The following TMPRSS15 variants were observed in gnomAD, a reference collection of about 807,000 sequenced individuals.
The protein encoded by TMPRSS15 is transmembrane serine protease 15, also known as enteropeptidase.
In TMPRSS15, 128 loss-of-function variants were observed where a neutral mutation model predicts 125.3. That is an observed-to-expected ratio of 1.02 (90% CI 0.89 to 1.18). The LOEUF (loss-of-function observed/expected upper bound fraction) is 1.18, where lower values mean the gene tolerates loss of function less well. TMPRSS15 is among the 50% of genes most tolerant of loss of function. TMPRSS15 has a pLI of 0.00. For synonymous variants in TMPRSS15, 446 were observed against 423.2 expected (o/e 1.05, Z -0.66); for missense variants, 1,283 against 1,212.7 (o/e 1.06, Z -0.86).
chr21:18,416,438 A>G (rs1042873166), intron 1 of TMPRSS15, among the ~76,000 whole-genome samples: 6 of 152,202 alleles, frequency 3.9e-5, no homozygotes, highest in African/African-American at 1.4e-4. Flanking sequence ...AGCAAAATTC[A>G]TATTATCCTT....
chr21:18,297,414 T>TAG (rs2074919232), intron 19 of TMPRSS15, among the ~76,000 whole-genome samples: 1 of 152,088 alleles, frequency 6.6e-6, no homozygotes, highest in Non-Finnish European at 1.5e-5. Context: ...ACAATTTCTT[T>TAG]CCAAGTGATT....
intron 24 of TMPRSS15, among the ~76,000 whole-genome samples, chr21:18,271,097 C>A (rs1330653389): frequency 1.3e-5 from 2 of 152,118 alleles, no homozygotes; most frequent in Non-Finnish European, 1.5e-5. Flanking sequence ...TTTTCCCCTC[C>A]ATACACAGGA....
chr21:18,408,632 G>A (rs2076158405), upstream of TMPRSS15, among the ~76,000 whole-genome samples: 3 of 151,964 alleles, frequency 2.0e-5, no homozygotes, highest in South Asian at 6.2e-4. Context: ...GATCTAATTG[G>A]CAAATTCTTT....
intron 1 of TMPRSS15, among the ~76,000 whole-genome samples, chr21:18,438,467 A>C (rs1355681581): frequency 1.3e-5 from 2 of 152,186 alleles, no homozygotes; most frequent in African/African-American, 2.4e-5. Flanking sequence ...CCTAAAACTT[A>C]AAGTATAATA....
intron 18 of TMPRSS15, among the ~76,000 whole-genome samples, chr21:18,309,921 C>A (rs1201662742): frequency 4.6e-5 from 7 of 152,018 alleles, no homozygotes. Flanking sequence ...AATTTCGTTC[C>A]TGATGAGGCT....
chr21:18,451,998 G>T (rs1216738700), intron 1 of TMPRSS15, among the ~76,000 whole-genome samples: 1 of 150,676 alleles, frequency 6.6e-6, no homozygotes, highest in Non-Finnish European at 1.5e-5. Flanking sequence ...CAGTTGATGT[G>T]GTTCAATTCA....
chr21:18,418,450 C>A (rs1310915414), intron 1 of TMPRSS15, among the ~76,000 whole-genome samples: 2 of 152,136 alleles, frequency 1.3e-5, no homozygotes, highest in African/African-American at 2.4e-5. Context: ...TATCTGTGTG[C>A]GAATGGTGTT....
chr21:18,413,312 T>TTTCTTTCTTTTCTTTCC (rs1555911458), intron 1 of TMPRSS15, among the ~76,000 whole-genome samples: 1 of 94,798 alleles, frequency 1.1e-5, no homozygotes, highest in Non-Finnish European at 2.1e-5. Context: ...TTTTCTTTCT[T>TTTCTTTCTTTTCTTTCC]TTCCTTCCTT....
upstream of TMPRSS15, among the ~76,000 whole-genome samples, chr21:18,407,308 TA>T (rs1177860838): frequency 1.4e-4 from 22 of 152,090 alleles, no homozygotes; most frequent in Admixed American, 1.4e-3. Flanking sequence ...TCTGCATTTT[TA>T]AAAAAATAGA....
Position 18,294,296 on chromosome 21 carries a change from C to T in TMPRSS15, c.2460G>A (p.Leu820=), listed in dbSNP as rs760154862. 1 of 1,614,232 alleles carries T rather than the reference C, an allele frequency of 6.2e-7. No individual in the cohort carries two copies. The highest frequency in any genetic ancestry group is 8.5e-7 in the Non-Finnish European group (1 of 1,180,046). Residue 820 remains leucine, a synonymous_variant, in exon 21 of 25, where the codon CTG becomes CTA. Coordinates refer to ENST00000284885, the MANE Select transcript of TMPRSS15 (RefSeq NM_002772.3). ...CATACACGCAGTGTGCGGCGGACAC[C>T]AGCCAGTCACTGCTGACGAGAGATG... ...CGASLVSSDW[L]VSAAHCVYGR...
At chr21:18,273,081 G>A (rs2074579155) in intron 24 of TMPRSS15, among the ~76,000 whole-genome samples, 1 of 152,118 alleles carries the variant, frequency 6.6e-6, no homozygotes, top group Non-Finnish European at 1.5e-5. Flanking sequence ...CTGGACTGGA[G>A]GCCACGCATT....
At chr21:18,302,059 T>A (rs923019511) in intron 18 of TMPRSS15, among the ~76,000 whole-genome samples, 1 of 152,224 alleles carries the variant, frequency 6.6e-6, no homozygotes, top group Non-Finnish European at 1.5e-5. Flanking sequence ...AGGCTGAATT[T>A]GCTGTGATAA....
At chr21:18,467,177 C>A (rs1978681867) in intron 1 of TMPRSS15, among the ~76,000 whole-genome samples, 1 of 152,090 alleles carries the variant, frequency 6.6e-6, no homozygotes. Flanking sequence ...CCAAACACTG[C>A]ATGTTCTCAC....
upstream of TMPRSS15, among the ~76,000 whole-genome samples, chr21:18,405,567 C>T (rs766451893): frequency 5.9e-5 from 9 of 152,050 alleles, no homozygotes; most frequent in African/African-American, 9.7e-5. Context: ...ACTGTCTCAG[C>T]GGAATTAAGT....
chr21:18,412,050 T>C (rs1418486048), intron 1 of TMPRSS15, among the ~76,000 whole-genome samples: 1 of 152,138 alleles, frequency 6.6e-6, no homozygotes, highest in Non-Finnish European at 1.5e-5. Flanking sequence ...AATCAGCTGC[T>C]AGTTTAGATC....
chr21:18,363,147 C>T (rs1241297735), intron 7 of TMPRSS15, among the ~76,000 whole-genome samples: 2 of 151,994 alleles, frequency 1.3e-5, no homozygotes, highest in South Asian at 2.1e-4. Flanking sequence ...CTATTTGATA[C>T]AATGCATCAC....
intron 1 of TMPRSS15, among the ~76,000 whole-genome samples, chr21:18,419,361 G>A (rs567034430): frequency 9.2e-4 from 140 of 151,912 alleles, no homozygotes; most frequent in African/African-American, 3.3e-3. Context: ...GAGTAGCTGG[G>A]ACTACAGGCG....
intron 1 of TMPRSS15, among the ~76,000 whole-genome samples, chr21:18,447,300 C>T (rs1016532888): frequency 6.6e-6 from 1 of 151,384 alleles, no homozygotes; most frequent in African/African-American, 2.4e-5. Context: ...AAAAGCCAGG[C>T]GTGGTGGTGG....
At chr21:18,400,973 A>T (rs973018656) in intron 1 of TMPRSS15, among the ~76,000 whole-genome samples, 3 of 152,188 alleles carry the variant, frequency 2.0e-5, no homozygotes, top group East Asian at 1.9e-4. Flanking sequence ...CAAATATTTT[A>T]AAAAATACTC....
Sources: allele counts gnomAD v4.1 joint callset (sites outside exome capture counted in the v4.1 genomes callset), GRCh38; gene constraint gnomAD v4.1.1; transcripts MANE v1.5; gene names NCBI Gene and HGNC (gene_info 2026-07-23, HGNC 2026-07-21).